AFF2: variants seen among roughly 807,000 people sequenced by gnomAD.
AFF2 encodes AF4/FMR2 family member 2.
AFF2 carries 14 observed loss-of-function variants against 76.9 expected under a neutral mutation model. The observed-to-expected ratio is 0.18, with a 90% CI of 0.12 to 0.28. The LOEUF is 0.28. Among genes scored for constraint, AFF2 ranks in the 10% least tolerant of loss-of-function variants. The pLI, the probability that AFF2 is intolerant of heterozygous loss-of-function variation, is 1.00. For synonymous variants in AFF2, 398 were observed against 366.7 expected (o/e 1.09, Z -0.98); for missense variants, 868 against 1,001.1 (o/e 0.87, Z 1.79).
intron 1 of AFF2, among the ~76,000 whole-genome samples, chrX:148,539,664 T>A (rs2052830357): frequency 9.1e-6 from 1 of 110,211 alleles, no homozygotes; most frequent in South Asian, 3.9e-4. Flanking sequence ...TGAACTATCT[T>A]TTTTTTTTAA....
In AFF2 at chrX:148,849,143, G is replaced by A. The variant is rs188898618; in HGVS notation, c.1262+5710G>A. Among the ~76,000 whole-genome samples, 392 of 111,154 alleles carry A rather than the reference G, an allele frequency of 3.5e-3. 2 individuals are homozygous for A. The highest frequency in any genetic ancestry group is 5.5e-3 in the Non-Finnish European group (293 of 52,996). ...CACTGAAGCTGCCGGGGCTTGATGG[G>A]TACCAAGATCTAAAATGGGGGCTCC... On this transcript the variant is annotated intron_variant, in intron 7 of 20. Coordinates refer to ENST00000370460, the MANE Select transcript of AFF2 (RefSeq NM_002025.4).
chrX:148,810,824 C>G (rs1377745375), intron 4 of AFF2, among the ~76,000 whole-genome samples: 1 of 111,624 alleles, frequency 9.0e-6, no homozygotes, highest in Non-Finnish European at 1.9e-5. Flanking sequence ...AGAAAATAAT[C>G]TATGTGCCAG....
Position 148,694,730 on chromosome X carries a change from G to T in AFF2, c.1041+31962G>T, listed in dbSNP as rs782096453. On this transcript the variant is annotated intron_variant, in intron 3 of 20. Transcript: ENST00000370460. ...ACTTGATTAACCTTTTATAGTAAGG[G>T]TTTTGAGAATTTATGTTTACATTTT... 2.7e-5 allele frequency among the ~76,000 whole-genome samples: 3 copies of T among 109,120 alleles called. No individual in the cohort carries two copies. In the East Asian group the frequency reaches 8.6e-4, roughly 31 times the overall value. The allele number at this position is 109,120 out of a possible 115,157, so 94.8% of individuals were successfully genotyped here. A position where few individuals can be genotyped will look rare whatever the true frequency, so the allele number is the denominator to read the frequency against.
intron 1 of AFF2, among the ~76,000 whole-genome samples, chrX:148,503,236 T>C (rs782221823): frequency 8.9e-6 from 1 of 112,061 alleles, no homozygotes; most frequent in Non-Finnish European, 1.9e-5. Context: ...TTTGTATAGC[T>C]CCACAGAGAA....
chrX:148,541,504 A>C (rs2052856478), intron 1 of AFF2, among the ~76,000 whole-genome samples: 1 of 111,192 alleles, frequency 9.0e-6, no homozygotes, highest in Admixed American at 9.6e-5. Flanking sequence ...GAAAATAGGG[A>C]AATTACCACT....
chrX:148,897,252 T>TGAA, intron 8 of AFF2, among the ~76,000 whole-genome samples: 1 of 38,754 alleles, frequency 2.6e-5, no homozygotes, highest in African/African-American at 1.1e-4. Context: ...TATATATATA[T>TGAA]ATATATATAT....
rs782211071 is a variant in AFF2, at chrX:148,837,632, A to G, written c.1087-15A>G. The G allele has an allele frequency of 9.3e-7, 1 of 1,076,651 alleles. No individual in the cohort carries two copies. The highest frequency in any genetic ancestry group is 1.9e-5 in the South Asian group (1 of 52,677). 88.7% of individuals were successfully genotyped at this position (1,076,651 alleles called of 1,213,427 possible). A position where few individuals can be genotyped will look rare whatever the true frequency, so the allele number is the denominator to read the frequency against. The stretch of plus-strand genomic sequence containing the variant: ...AATTGCCCTGAAATAAAGTTTCTTT[A>G]TTTTTCCTCATTAGGAGATGACCCA... On this transcript the variant is annotated splice_polypyrimidine_tract_variant and intron_variant, in intron 4 of 20. Transcript: ENST00000370460.
chrX:148,595,513 G>T (rs1257232475), intron 1 of AFF2, among the ~76,000 whole-genome samples: 1 of 112,057 alleles, frequency 8.9e-6, no homozygotes, highest in Non-Finnish European at 1.9e-5. Context: ...GATAGCTAAT[G>T]TGAGTAAATG....
intron 3 of AFF2, among the ~76,000 whole-genome samples, chrX:148,750,093 G>A (rs781937015): frequency 2.7e-5 from 3 of 109,746 alleles, no homozygotes; most frequent in African/African-American, 9.9e-5. Context: ...TCAGCCTCCC[G>A]AGTAGCTGGG....
At chrX:148,523,105 A>G (rs1429645118) in intron 1 of AFF2, among the ~76,000 whole-genome samples, 2 of 112,368 alleles carry the variant, frequency 1.8e-5, no homozygotes, top group Non-Finnish European at 3.8e-5. Context: ...TATCATCTTC[A>G]TTAAGAGGAA....
In AFF2 at chrX:148,843,367, A is replaced by G. The variant is rs1169392610; in HGVS notation, c.1211-15A>G. On this transcript the variant is annotated splice_polypyrimidine_tract_variant and intron_variant, in intron 6 of 20. Coordinates refer to ENST00000370460, the MANE Select transcript of AFF2 (RefSeq NM_002025.4). ...AGGAACATGAACAGTAATTGTTTATATCTTTTCTTTTCAGAGTGGAATGAC... is the reference window on the plus strand; with the variant it reads ...AGGAACATGAACAGTAATTGTTTATGTCTTTTCTTTTCAGAGTGGAATGAC... The G allele has an allele frequency of 8.4e-7, 1 of 1,191,375 alleles. No individual in the cohort carries two copies. The highest frequency in any genetic ancestry group is 1.8e-5 in the African/African-American group (1 of 56,444).
intron 1 of AFF2, among the ~76,000 whole-genome samples, chrX:148,612,712 A>C (rs1354252818): frequency 8.9e-6 from 1 of 112,035 alleles, no homozygotes. Flanking sequence ...CATTTTGTAC[A>C]AGAGAATTTT....
intron 8 of AFF2, 115 bp from the exon 9 acceptor site, chrX:148,904,106 C>T (rs782676166): frequency 1.2e-4 from 61 of 525,226 alleles, no homozygotes; most frequent in Non-Finnish European, 1.5e-4. Context: ...CACCCTGTTT[C>T]GGTTAGCTCC....
At chrX:148,555,841 C>T (rs2053046330) in intron 1 of AFF2, among the ~76,000 whole-genome samples, 1 of 112,638 alleles carries the variant, frequency 8.9e-6, no homozygotes, top group Non-Finnish European at 1.9e-5. Context: ...CAATAACCCT[C>T]TAATTTATGG....
At chrX:148,758,498 A>G (rs2069401906) in intron 3 of AFF2, among the ~76,000 whole-genome samples, 1 of 112,080 alleles carries the variant, frequency 8.9e-6, no homozygotes, top group East Asian at 2.8e-4. Context: ...TTCATGAATA[A>G]GCAATAACCA....
At chrX:148,550,395 T>C (rs980948957) in intron 1 of AFF2, among the ~76,000 whole-genome samples, 1 of 111,967 alleles carries the variant, frequency 8.9e-6, no homozygotes, top group African/African-American at 3.2e-5. Flanking sequence ...TACATTCCTA[T>C]ACTGGATGAT....
chrX:148,916,549 G>T (rs2071535708), intron 9 of AFF2, among the ~76,000 whole-genome samples: 1 of 111,094 alleles, frequency 9.0e-6, no homozygotes, highest in Non-Finnish European at 1.9e-5. Flanking sequence ...TGGTGATTCG[G>T]AGCCATGGAT....
At chrX:148,965,058 G>A (rs782682953) in intron 13 of AFF2, among the ~76,000 whole-genome samples, 6 of 112,452 alleles carry the variant, frequency 5.3e-5, no homozygotes, top group Non-Finnish European at 1.1e-4. Context: ...AGGAGCTTCA[G>A]CCTTGAGTTT....
In AFF2 at chrX:148,931,800, C is replaced by T. The variant is rs782276260; in HGVS notation, c.1398-21780C>T. 2.7e-5 allele frequency among the ~76,000 whole-genome samples: 3 copies of T among 111,995 alleles called. No homozygotes were observed. The South Asian group carries it at 1.1e-3, about 42-fold the overall frequency. On this transcript the variant is annotated intron_variant, in intron 9 of 20. Coordinates refer to ENST00000370460, the MANE Select transcript of AFF2 (RefSeq NM_002025.4). ...TTCAGAACACCATTATGGGAAGAAT[C>T]CACTCCAGAAAGAAAAGAGTGATGA...
Sources: allele counts gnomAD v4.1 joint callset (sites outside exome capture counted in the v4.1 genomes callset), GRCh38; gene constraint gnomAD v4.1.1; transcripts MANE v1.5; gene names NCBI Gene and HGNC (gene_info 2026-07-23, HGNC 2026-07-21).